Variants in NRCAM observed in about 807,000 individuals in gnomAD.
The protein encoded by NRCAM is NgCAM-related cell adhesion molecule.
In NRCAM, 83 loss-of-function variants were observed where a neutral mutation model predicts 156.5. That is an observed-to-expected ratio of 0.53 (90% CI 0.44 to 0.64). NRCAM has a LOEUF of 0.64. Ranked by LOEUF, NRCAM falls within the 30% of genes least tolerant of loss-of-function variation. The probability of loss-of-function intolerance (pLI) is 0.00; values close to 1 mark genes in which losing one functional copy is unlikely to be tolerated. For synonymous variants in NRCAM, 538 were observed against 563.9 expected, an observed-to-expected ratio of 0.95 and a Z score of 0.65; for missense variants, 1,417 against 1,597.3, an observed-to-expected ratio of 0.89 and a Z score of 1.92.
chr7:108,188,764 G>C (rs1444897497), intron 20 of NRCAM, among the ~76,000 whole-genome samples: 1 of 50,700 alleles, frequency 2.0e-5, no homozygotes, highest in Non-Finnish European at 5.2e-5. Context: ...GTAGGGAAAA[G>C]AGCACCATTA....
At chr7:108,337,961 CGATTA>C (rs2099222309) in intron 2 of NRCAM, among the ~76,000 whole-genome samples, 1 of 152,186 alleles carries the variant, frequency 6.6e-6, no homozygotes, top group Non-Finnish European at 1.5e-5. Flanking sequence ...CGGTTAAAAA[CGATTA>C]GCGTGGCCTC....
intron 1 of NRCAM, among the ~76,000 whole-genome samples, chr7:108,404,639 T>C (rs2099802313): frequency 6.6e-6 from 1 of 152,198 alleles, no homozygotes; most frequent in Admixed American, 6.5e-5. Context: ...TACTCCATCC[T>C]AAATACCGTT....
Position 108,155,427 on chromosome 7 carries a change from T to TA in NRCAM, c.3677+4035dup, listed in dbSNP as rs1563170158. On this transcript the variant is annotated intron_variant, in intron 32 of 32. Coordinates refer to ENST00000379028, the MANE Select transcript of NRCAM (RefSeq NM_001037132.4). ...GATACAATATCAAGTATATTCTTGA[T>TA]ACTTAGATTCATGAATCAGGATCAT... Among the ~76,000 whole-genome samples, 4 of 152,162 alleles carry TA rather than the reference T, an allele frequency of 2.6e-5. No individual in the cohort carries two copies. In the South Asian group the frequency reaches 6.2e-4, roughly 24 times the overall value.
intron 14 of NRCAM, among the ~76,000 whole-genome samples, chr7:108,197,365 A>G (rs1391187907): frequency 1.3e-5 from 2 of 152,192 alleles, no homozygotes; most frequent in Non-Finnish European, 2.9e-5. Flanking sequence ...GGGCTGAAGT[A>G]TAATTCCCAG....
At chr7:108,422,792 G>A (rs897616379) in intron 1 of NRCAM, among the ~76,000 whole-genome samples, 5 of 152,148 alleles carry the variant, frequency 3.3e-5, no homozygotes, top group African/African-American at 1.2e-4. Context: ...GGCCAGAGAA[G>A]ATAATCTGAA....
chr7:108,244,478 A>C (rs1244880866), intron 3 of NRCAM, among the ~76,000 whole-genome samples: 2 of 152,158 alleles, frequency 1.3e-5, no homozygotes, highest in Non-Finnish European at 2.9e-5. Context: ...ACAAATGCAC[A>C]TCTCTAGCCA....
intron 11 of NRCAM, among the ~76,000 whole-genome samples, chr7:108,210,057 T>C (rs550535422): frequency 6.6e-6 from 1 of 152,354 alleles, no homozygotes; most frequent in African/African-American, 2.4e-5. Flanking sequence ...TAAACCTTTG[T>C]ATACATTTCC....
chr7:108,332,043 C>G (rs1052289784), intron 2 of NRCAM, among the ~76,000 whole-genome samples: 12 of 152,144 alleles, frequency 7.9e-5, no homozygotes, highest in African/African-American at 2.2e-4. Context: ...CTATGCTATG[C>G]CAAGAAGCTC....
chr7:108,185,079 T>C (rs1038422719), intron 20 of NRCAM, among the ~76,000 whole-genome samples: 13 of 152,108 alleles, frequency 8.5e-5, no homozygotes, highest in Non-Finnish European at 4.4e-5. Context: ...TTAAATATAG[T>C]GAGTGCCATT....
intron 3 of NRCAM, among the ~76,000 whole-genome samples, chr7:108,284,574 C>T (rs78390121): frequency 0.011 from 1,648 of 152,240 alleles, 27 homozygotes; most frequent in African/African-American, 0.037. Context: ...GACACTTGCT[C>T]ACTTCTGTGT....
chr7:108,268,829 A>G (rs2097220756), intron 3 of NRCAM, among the ~76,000 whole-genome samples: 1 of 152,236 alleles, frequency 6.6e-6, no homozygotes, highest in African/African-American at 2.4e-5. Flanking sequence ...ATGGTTCAAT[A>G]CCTGAAACAG....
chr7:108,358,694 T>G (rs889082132), intron 2 of NRCAM, among the ~76,000 whole-genome samples: 1 of 152,206 alleles, frequency 6.6e-6, no homozygotes, highest in Non-Finnish European at 1.5e-5. Context: ...CCCCAGCGTA[T>G]GCCCTGAACA....
chr7:108,389,443 A>C (rs994662893), intron 2 of NRCAM, among the ~76,000 whole-genome samples: 4 of 152,226 alleles, frequency 2.6e-5, no homozygotes, highest in African/African-American at 9.6e-5. Context: ...AATCAGCTTA[A>C]GGAGATTTGG....
At chr7:108,206,362 T>C (rs1295177703) in intron 13 of NRCAM, among the ~76,000 whole-genome samples, 3 of 152,220 alleles carry the variant, frequency 2.0e-5, no homozygotes, top group Non-Finnish European at 2.9e-5. Context: ...AGAACCAATA[T>C]TGGATTCTGA....
chr7:108,215,737 T>C (rs1209099320), intron 11 of NRCAM, among the ~76,000 whole-genome samples: 2 of 151,750 alleles, frequency 1.3e-5, no homozygotes, highest in Non-Finnish European at 2.9e-5. Flanking sequence ...CTGCCTTTTT[T>C]TTTTTTTTTT....
At chr7:108,406,862 G>A (rs1327726555) in intron 1 of NRCAM, among the ~76,000 whole-genome samples, 1 of 152,136 alleles carries the variant, frequency 6.6e-6, no homozygotes, top group Non-Finnish European at 1.5e-5. Context: ...AGAGCCTACT[G>A]GGTAATGCAT....
intron 1 of NRCAM, among the ~76,000 whole-genome samples, chr7:108,411,829 C>A (rs1182057988): frequency 6.6e-6 from 1 of 152,212 alleles, no homozygotes; most frequent in East Asian, 1.9e-4. Flanking sequence ...CCACACCCAG[C>A]CAGGCCTAGA....
chr7:108,155,139 CACACAT>C lies in NRCAM; in HGVS notation c.3677+4318_3677+4323del, dbSNP rs1355692480. The stretch of plus-strand genomic sequence containing the variant: ...ACACACACACACACACACACACACA[CACACAT>C]ATAGCAGACCTTGATTTTAATCAAG... On this transcript the variant is annotated intron_variant, in intron 32 of 32. Coordinates refer to ENST00000379028, the MANE Select transcript of NRCAM (RefSeq NM_001037132.4). Among the ~76,000 whole-genome samples, 782 of 115,674 alleles carry C rather than the reference CACACAT, an allele frequency of 6.8e-3. 7 individuals are homozygous for C. Among genetic ancestry groups the C allele is most frequent in the African/African-American group, 0.024 (589 of 24,820 alleles). 75.9% of individuals were successfully genotyped at this position (115,674 alleles called of 152,430 possible). A position where few individuals can be genotyped will look rare whatever the true frequency, so the allele number is the denominator to read the frequency against.
intron 3 of NRCAM, among the ~76,000 whole-genome samples, chr7:108,284,314 G>T (rs1591672305): frequency 6.6e-6 from 1 of 152,106 alleles, no homozygotes; most frequent in African/African-American, 2.4e-5. Context: ...AAGTCACCCA[G>T]TTCAGGTGAG....
Sources: allele counts gnomAD v4.1 joint callset (sites outside exome capture counted in the v4.1 genomes callset), GRCh38; gene constraint gnomAD v4.1.1; transcripts MANE v1.5; gene names NCBI Gene and HGNC (gene_info 2026-07-23, HGNC 2026-07-21).